SLC25A48: variants seen among roughly 807,000 people sequenced by gnomAD.
SLC25A48 encodes solute carrier family 25 member 48.
In SLC25A48, 29 loss-of-function variants were observed where a neutral mutation model predicts 32.2. The observed-to-expected ratio is 0.90, with a 90% CI of 0.67 to 1.23. The LOEUF (loss-of-function observed/expected upper bound fraction) is 1.23. Ranked by LOEUF, SLC25A48 falls within the 50% of genes most tolerant of loss-of-function variation. SLC25A48 has a pLI of 0.00. For synonymous variants in SLC25A48, 164 were observed against 172.3 expected, an observed-to-expected ratio of 0.95 and a Z score of 0.38; for missense variants, 399 against 422.7, an observed-to-expected ratio of 0.94 and a Z score of 0.49.
At chr5:135,720,510 G>A (rs1014064479) in intron 3 of SLC25A48, among the ~76,000 whole-genome samples, 2 of 152,250 alleles carry the variant, frequency 1.3e-5, no homozygotes, top group African/African-American at 2.4e-5. Context: ...GGAGTCAGGA[G>A]TAAAGTGACT....
intron 3 of SLC25A48, among the ~76,000 whole-genome samples, chr5:135,754,852 C>T (rs532727330): frequency 1.3e-5 from 2 of 151,926 alleles, no homozygotes; most frequent in East Asian, 3.9e-4. Flanking sequence ...AAATATTGCT[C>T]TGACATTTAT....
At chr5:135,851,571 C>T (rs921152514) in intron 3 of SLC25A48, among the ~76,000 whole-genome samples, 3 of 148,002 alleles carry the variant, frequency 2.0e-5, no homozygotes, top group Non-Finnish European at 4.5e-5. Context: ...GGTGTGTTCA[C>T]GTGTGTGTGT....
intron 3 of SLC25A48, among the ~76,000 whole-genome samples, chr5:135,671,077 A>G (rs952529555): frequency 3.9e-5 from 6 of 152,154 alleles, no homozygotes; most frequent in Middle Eastern, 3.2e-3. Context: ...GGGATACATG[A>G]AGTGGGTGCC....
At chr5:135,615,080 A>G (rs995677688) in intron 1 of SLC25A48, among the ~76,000 whole-genome samples, 1 of 152,168 alleles carries the variant, frequency 6.6e-6, no homozygotes, top group African/African-American at 2.4e-5. Flanking sequence ...TTTATAAATT[A>G]CCCAGTCTCA....
chr5:135,861,038 A>G (rs1377479362), intron 4 of SLC25A48, among the ~76,000 whole-genome samples: 5 of 152,202 alleles, frequency 3.3e-5, no homozygotes, highest in Non-Finnish European at 4.4e-5. Flanking sequence ...TTAAAAATCT[A>G]CAAGCTACAG....
At chr5:135,646,603 A>G (rs1490165929) in intron 3 of SLC25A48, among the ~76,000 whole-genome samples, 1 of 150,478 alleles carries the variant, frequency 6.6e-6, no homozygotes, top group Non-Finnish European at 1.5e-5. Context: ...TATACTCATT[A>G]TATATATAAT....
chr5:135,885,272 C>T (rs898740612), intron 7 of SLC25A48, among the ~76,000 whole-genome samples: 1 of 152,126 alleles, frequency 6.6e-6, no homozygotes, highest in Non-Finnish European at 1.5e-5. Context: ...CCATCCAGTG[C>T]CAGGCATACA....
At chr5:135,646,962 G>T (rs1752978459) in intron 3 of SLC25A48, among the ~76,000 whole-genome samples, 1 of 151,730 alleles carries the variant, frequency 6.6e-6, no homozygotes, top group East Asian at 1.9e-4. Flanking sequence ...ACAATATATT[G>T]TATACTATAT....
At chr5:135,580,415 C>T (rs1313539768) in intron 1 of SLC25A48, among the ~76,000 whole-genome samples, 1 of 152,148 alleles carries the variant, frequency 6.6e-6, no homozygotes, top group South Asian at 2.1e-4. Flanking sequence ...CCTGGCAGTT[C>T]CCTGGAGGCA....
Position 135,737,022 on chromosome 5 carries a change from A to G in SLC25A48, c.-520-75501A>G, listed in dbSNP as rs974682835. On this transcript the variant is annotated intron_variant, in intron 3 of 10. Transcript: ENST00000646290. Reference sequence around the variant, plus strand: ...CGTAGGTGGATCTCTCTCATGGAGTAAAGAGCAGGAGGACAGAGGATTGAT... The same window carrying G: ...CGTAGGTGGATCTCTCTCATGGAGTGAAGAGCAGGAGGACAGAGGATTGAT... Among the ~76,000 whole-genome samples, 6 of 152,302 alleles carry G rather than the reference A, an allele frequency of 3.9e-5. No individual in the cohort carries two copies. In the South Asian group the frequency reaches 1.2e-3, roughly 32 times the overall value.
At chr5:135,632,857 G>GTA (rs1752609081) in intron 2 of SLC25A48, among the ~76,000 whole-genome samples, 2 of 152,170 alleles carry the variant, frequency 1.3e-5, no homozygotes, top group South Asian at 4.1e-4. Flanking sequence ...CAGTGTTGAG[G>GTA]TATTGATAGG....
intron 3 of SLC25A48, among the ~76,000 whole-genome samples, chr5:135,771,554 A>G (rs1027073720): frequency 4.0e-5 from 6 of 151,556 alleles, no homozygotes; most frequent in African/African-American, 1.5e-4. Flanking sequence ...TGGGGGGTGT[A>G]CACCCTCCTG....
intron 3 of SLC25A48, among the ~76,000 whole-genome samples, chr5:135,766,835 C>T (rs577659418): frequency 3.3e-5 from 5 of 150,240 alleles, no homozygotes; most frequent in East Asian, 2.0e-4. Context: ...CACCATCTTG[C>T]GATATATTTT....
intron 3 of SLC25A48, among the ~76,000 whole-genome samples, chr5:135,759,831 T>C (rs1756017660): frequency 1.1e-4 from 1 of 9,504 alleles, no homozygotes. Flanking sequence ...TATATCATCT[T>C]TTTTTTTTTT....
intron 7 of SLC25A48, chr5:135,883,029 G>A (rs1181297308): frequency 8.1e-6 from 8 of 985,244 alleles, no homozygotes; most frequent in African/African-American, 1.7e-5. Context: ...ACTCCCGTTA[G>A]AAGATGTTCT....
Position 135,836,010 on chromosome 5 carries a change from G to A in SLC25A48, c.46+1117G>A, listed in dbSNP as rs532772730. 3.9e-5 allele frequency among the ~76,000 whole-genome samples: 6 copies of A among 152,344 alleles called. No homozygotes were observed. The East Asian group carries it at 1.2e-3, about 29-fold the overall frequency. On this transcript the variant is annotated intron_variant, in intron 1 of 7. Transcript: ENST00000681962. Reference sequence around the variant, plus strand: ...CCCAGTTAGGGGGCTGCAGCCTGAGGCCCGCTGGGCATATCCAGGTCCTTT... The same window carrying A: ...CCCAGTTAGGGGGCTGCAGCCTGAGACCCGCTGGGCATATCCAGGTCCTTT...
At chr5:135,665,600 T>C (rs957167649) in intron 3 of SLC25A48, among the ~76,000 whole-genome samples, 3 of 152,198 alleles carry the variant, frequency 2.0e-5, no homozygotes, top group African/African-American at 7.2e-5. Context: ...TTGCGTTGAT[T>C]TTTGTATAAG....
intron 3 of SLC25A48, among the ~76,000 whole-genome samples, chr5:135,720,368 G>T (rs971220353): frequency 2.6e-5 from 4 of 152,242 alleles, no homozygotes; most frequent in Non-Finnish European, 5.9e-5. Context: ...CTTTGTGAAA[G>T]GAGGATGTGG....
intron 3 of SLC25A48, among the ~76,000 whole-genome samples, chr5:135,778,139 A>C (rs1455208144): frequency 1.3e-5 from 2 of 151,750 alleles, no homozygotes; most frequent in African/African-American, 4.8e-5. Flanking sequence ...GGGGGTGTAC[A>C]TGCGCCCCGT....
Sources: gnomAD v4.1 joint callset for allele counts (sites outside exome capture counted in the v4.1 genomes callset) on GRCh38, gnomAD v4.1.1 for gene constraint, MANE v1.5 for transcripts, NCBI Gene and HGNC (gene_info 2026-07-23, HGNC 2026-07-21) for gene names.